The following L3MBTL4 variants were observed in gnomAD, a reference collection of about 807,000 sequenced individuals.
L3MBTL4 encodes lethal(3)malignant brain tumor-like protein 4.
In L3MBTL4, 70 loss-of-function variants were observed where a neutral mutation model predicts 84.5. The observed-to-expected ratio is 0.83, with a 90% CI of 0.68 to 1.01. The LOEUF (loss-of-function observed/expected upper bound fraction) is 1.01. Among genes scored for constraint, L3MBTL4 ranks in the 50% least tolerant of loss-of-function variants. The pLI is 0.00. For synonymous variants in L3MBTL4, 274 were observed against 259.8 expected, an observed-to-expected ratio of 1.05 and a Z score of -0.52; for missense variants, 715 against 754.8, an observed-to-expected ratio of 0.95 and a Z score of 0.62.
intron 1 of L3MBTL4, among the ~76,000 whole-genome samples, chr18:6,348,579 T>G (rs2053031634): frequency 6.6e-6 from 1 of 152,064 alleles, no homozygotes; most frequent in Non-Finnish European, 1.5e-5. Context: ...GATCTAAATG[T>G]TAAAAAGTAC....
At chr18:6,243,465 G>A in intron 6 of L3MBTL4, 36 bp from the exon 7 acceptor site, 1 of 1,533,174 alleles carries the variant, frequency 6.5e-7, no homozygotes, top group East Asian at 2.4e-5. Context: ...TTCGTTAAGT[G>A]TCATATATTT....
Position 6,137,764 on chromosome 18 carries a change from A to C in L3MBTL4, c.1199+430T>G, listed in dbSNP as rs11875745. Among the ~76,000 whole-genome samples the C allele has an allele frequency of 8.7e-3, 1,322 of 152,386 alleles. 10 individuals are homozygous for C. Among genetic ancestry groups the C allele is most frequent in the African/African-American group, 0.031 (1,286 of 41,590 alleles). On this transcript the variant is annotated intron_variant, in intron 14 of 18. Coordinates refer to ENST00000317931, the MANE Select transcript of L3MBTL4 (RefSeq NM_001330559.2). ...TGGGCATATTCTGCAACATAACTTC[A>C]CACTAGTTTTCTATTCTTTTATAGA...
At chr18:6,332,835 A>C (rs1481367482) in intron 1 of L3MBTL4, among the ~76,000 whole-genome samples, 1 of 152,248 alleles carries the variant, frequency 6.6e-6, no homozygotes, top group Non-Finnish European at 1.5e-5. Flanking sequence ...TGCAACTAGA[A>C]GAATCCAGAC....
chr18:6,221,900 A>C (rs1476247325), intron 10 of L3MBTL4, among the ~76,000 whole-genome samples: 9 of 152,198 alleles, frequency 5.9e-5, no homozygotes, highest in Non-Finnish European at 7.4e-5. Context: ...TCATTCTGCT[A>C]GTAGGTTCTG....
chr18:6,245,949 T>C (rs1378001138), intron 5 of L3MBTL4, among the ~76,000 whole-genome samples: 1 of 152,196 alleles, frequency 6.6e-6, no homozygotes, highest in African/African-American at 2.4e-5. Flanking sequence ...TGTAGTACAA[T>C]TGAAATTGAG....
chr18:6,041,615 C>T (rs190092179), intron 16 of L3MBTL4, among the ~76,000 whole-genome samples: 26 of 152,230 alleles, frequency 1.7e-4, no homozygotes, highest in African/African-American at 5.5e-4. Context: ...CAGAACGTGT[C>T]CACAAATGGT....
chr18:6,053,516 C>T (rs1031467852), intron 16 of L3MBTL4, among the ~76,000 whole-genome samples: 1 of 152,166 alleles, frequency 6.6e-6, no homozygotes, highest in Non-Finnish European at 1.5e-5. Flanking sequence ...CAAAGGCCAT[C>T]GCAACCTTGC....
intron 13 of L3MBTL4, among the ~76,000 whole-genome samples, chr18:6,154,484 G>A (rs7241366): frequency 0.05 from 7,672 of 152,176 alleles, 670 homozygotes; most frequent in African/African-American, 0.18. Flanking sequence ...AATGGAATCT[G>A]GGTATGAGCA....
chr18:5,972,518 A>G (rs1258410807), intron 16 of L3MBTL4, among the ~76,000 whole-genome samples: 4 of 152,166 alleles, frequency 2.6e-5, no homozygotes, highest in African/African-American at 9.7e-5. Context: ...TTTAACTGCG[A>G]TTTGCAAACC....
intron 1 of L3MBTL4, among the ~76,000 whole-genome samples, chr18:6,370,025 T>C (rs559013980): frequency 6.6e-6 from 1 of 151,812 alleles, no homozygotes; most frequent in Non-Finnish European, 1.5e-5. Context: ...TCTCAGCTAC[T>C]TGGGAGGCTG....
chr18:6,078,785 T>C (rs572396231), intron 16 of L3MBTL4, among the ~76,000 whole-genome samples: 1 of 152,250 alleles, frequency 6.6e-6, no homozygotes, highest in South Asian at 2.1e-4. Context: ...TATTATTACA[T>C]TGTAATAGAT....
At chr18:6,024,161 G>A (rs1232295089) in intron 16 of L3MBTL4, among the ~76,000 whole-genome samples, 1 of 152,198 alleles carries the variant, frequency 6.6e-6, no homozygotes, top group East Asian at 1.9e-4. Flanking sequence ...ACAGGTGTGA[G>A]CCACCACGTC....
At chr18:6,210,553 T>C (rs2046061043) in intron 12 of L3MBTL4, among the ~76,000 whole-genome samples, 1 of 152,238 alleles carries the variant, frequency 6.6e-6, no homozygotes, top group Non-Finnish European at 1.5e-5. Context: ...TTTCTTCATC[T>C]ACATAACGGG....
chr18:6,314,671 G>A (rs1048759829), intron 1 of L3MBTL4, among the ~76,000 whole-genome samples: 1 of 152,118 alleles, frequency 6.6e-6, no homozygotes, highest in African/African-American at 2.4e-5. Context: ...TTATCTGTCT[G>A]CATGTTGCCA....
chr18:6,398,884 C>T lies in L3MBTL4; in HGVS notation c.-91+15917G>A, dbSNP rs571348954. Among the ~76,000 whole-genome samples the T allele has an allele frequency of 7.2e-5, 11 of 152,244 alleles. No homozygotes were observed. In the East Asian group the frequency reaches 2.1e-3, roughly 30 times the overall value. On this transcript the variant is annotated intron_variant, in intron 1 of 18. Coordinates refer to ENST00000317931, the MANE Select transcript of L3MBTL4 (RefSeq NM_001330559.2). ...CCATCCTAAGGCCACTTTACCTACTCAGGGGATCTGCCAGACCTGGAAGCC... is the reference window on the plus strand; with the variant it reads ...CCATCCTAAGGCCACTTTACCTACTTAGGGGATCTGCCAGACCTGGAAGCC...
At chr18:6,243,762 C>A (rs1055448126) in intron 6 of L3MBTL4, among the ~76,000 whole-genome samples, 5 of 152,184 alleles carry the variant, frequency 3.3e-5, no homozygotes, top group African/African-American at 9.7e-5. Context: ...GCAACCCTAT[C>A]TTCTGCCCTC....
chr18:6,238,112 A>G (rs1229150122), intron 9 of L3MBTL4, 72 bp from the exon 10 acceptor site: 2 of 1,316,994 alleles, frequency 1.5e-6, no homozygotes, highest in African/African-American at 2.9e-5. Context: ...AGTAACAATC[A>G]TTCTGGATAT....
intron 13 of L3MBTL4, among the ~76,000 whole-genome samples, chr18:6,168,076 A>G (rs1397500250): frequency 1.3e-5 from 2 of 152,218 alleles, no homozygotes; most frequent in Admixed American, 6.5e-5. Context: ...CCCATTCACA[A>G]TTGCTTCAAA....
intron 1 of L3MBTL4, among the ~76,000 whole-genome samples, chr18:6,356,477 T>C (rs1047782127): frequency 6.6e-6 from 1 of 152,234 alleles, no homozygotes; most frequent in Non-Finnish European, 1.5e-5. Flanking sequence ...AAATGCGTTA[T>C]TAGCATAAAC....
Sources: gnomAD v4.1 joint callset for allele counts (sites outside exome capture counted in the v4.1 genomes callset) on GRCh38, gnomAD v4.1.1 for gene constraint, MANE v1.5 for transcripts, NCBI Gene and HGNC (gene_info 2026-07-23, HGNC 2026-07-21) for gene names.